TOGARAM1: variants seen among roughly 807,000 people sequenced by gnomAD.
TOGARAM1 encodes TOG array regulator of axonemal microtubules protein 1.
Under a neutral mutation model 166.6 loss-of-function variants are expected in TOGARAM1, and 100 were observed. The observed-to-expected ratio is 0.60, with a 90% CI of 0.51 to 0.71. The LOEUF is 0.71. Among genes scored for constraint, TOGARAM1 ranks in the 30% least tolerant of loss-of-function variants. The probability of loss-of-function intolerance (pLI) is 0.00; values close to 1 mark genes in which losing one functional copy is unlikely to be tolerated. For missense variants in TOGARAM1, 2,029 were observed against 2,102.7 expected, an observed-to-expected ratio of 0.96 and a Z score of 0.69; for synonymous variants, 758 against 763.8, an observed-to-expected ratio of 0.99 and a Z score of 0.13.
chr14:45,073,633 G>A lies in TOGARAM1; in HGVS notation c.*72G>A. On this transcript the variant is annotated 3_prime_UTR_variant, in exon 20 of 20. Transcript: ENST00000361462. The stretch of plus-strand genomic sequence containing the variant: ...ACAAATGGAACTTTCTAAAAGTTAT[G>A]TTATCAGTGCCTGCACTTCACATCC... 1 of 1,412,008 alleles carries A rather than the reference G, an allele frequency of 7.1e-7. No individual in the cohort carries two copies. Among genetic ancestry groups the A allele is most frequent in the Non-Finnish European group, 9.6e-7 (1 of 1,045,862 alleles). 87.5% of individuals were successfully genotyped at this position (1,412,008 alleles called of 1,614,324 possible).
In TOGARAM1 at chr14:44,970,503, T is replaced by C. The variant is rs557025437; in HGVS notation, c.2046+6036T>C. ...TGTCATCTGTGAACAAAGACAATTTTATTTCTTCCCAATCTGTATACTTTT... is the reference window on the plus strand; with the variant it reads ...TGTCATCTGTGAACAAAGACAATTTCATTTCTTCCCAATCTGTATACTTTT... On this transcript the variant is annotated intron_variant, in intron 1 of 19. Transcript: ENST00000361462. Among the ~76,000 whole-genome samples, 280 of 152,330 alleles carry C rather than the reference T, an allele frequency of 1.8e-3. 2 individuals are homozygous for C. The highest frequency in any genetic ancestry group is 6.3e-3 in the African/African-American group (263 of 41,576).
At chr14:45,019,969 A>G (rs1880400217) in intron 7 of TOGARAM1, among the ~76,000 whole-genome samples, 1 of 152,188 alleles carries the variant, frequency 6.6e-6, no homozygotes, top group Non-Finnish European at 1.5e-5. Flanking sequence ...AGCATGGGCT[A>G]GCAGGCTGGT....
At chr14:45,000,057 A>T (rs1003976710) in intron 3 of TOGARAM1, among the ~76,000 whole-genome samples, 2 of 151,966 alleles carry the variant, frequency 1.3e-5, no homozygotes, top group Admixed American at 1.3e-4. Flanking sequence ...TAATGGCAGG[A>T]TCTCGGCTCA....
intron 2 of TOGARAM1, 50 bp from the exon 3 acceptor site, chr14:44,999,313 A>G (rs1317566926): frequency 1.4e-6 from 2 of 1,473,818 alleles, no homozygotes; most frequent in East Asian, 2.4e-5. Context: ...GTATTCATGA[A>G]ATAAAGTTAA....
At chr14:45,045,917 G>C (rs1882046855) in intron 13 of TOGARAM1, among the ~76,000 whole-genome samples, 4 of 151,300 alleles carry the variant, frequency 2.6e-5, no homozygotes, top group Admixed American at 2.6e-4. Flanking sequence ...CAAGTAGTAG[G>C]ATTGCTAGAT....
rs148819135 is a variant in TOGARAM1 at position 44,963,100 on chromosome 14, G to A, written c.679G>A (p.Asp227Asn). 1,251 of 1,614,042 alleles carry A rather than the reference G, an allele frequency of 7.8e-4. 1 individual carries two copies. The highest frequency in any genetic ancestry group is 9.9e-4 in the Middle Eastern group (6 of 6,084). The change falls in exon 1 of 20, where the codon GAT becomes AAT. Residue 227 changes from aspartate to asparagine, a missense_variant. Transcript: ENST00000361462. ...TATACAACAAGGACTGGAAAGTACC[G>A]ATGCCCGACTTAGAGCTTCCACAGC... is the stretch of plus-strand genomic sequence containing the variant. ...TLIQQGLEST[D>N]ARLRASTALL... is the part of the protein sequence containing the mutation.
rs771915493 is a variant in TOGARAM1 at position 45,006,047 on chromosome 14, C to T, written c.2684C>T (p.Pro895Leu). The change falls in exon 5 of 20, where the codon CCT becomes CTT. Residue 895 changes from proline (P) to leucine (L), a missense_variant. Around this residue, in one of 2 missense-constraint regions of TOGARAM1, gnomAD observed 1,453 missense variants for 1,432.2 expected, o/e 1.01. Coordinates refer to ENST00000361462, the MANE Select transcript of TOGARAM1 (RefSeq NM_001308120.2). ...SQEKPPVQLT[P>L]ALVRSPSSRR... ...GAAAAACCTCCAGTTCAGCTTACAC[C>T]TGCCTTGGTGAGATCGCCATCTTCC... The T allele has an allele frequency of 3.7e-6, 6 of 1,602,948 alleles. No homozygotes were observed. Among genetic ancestry groups the T allele is most frequent in the South Asian group, 2.3e-5 (2 of 88,674 alleles).
chr14:45,017,577 T>C (rs1340234400), intron 7 of TOGARAM1, among the ~76,000 whole-genome samples: 2 of 152,182 alleles, frequency 1.3e-5, no homozygotes, highest in African/African-American at 2.4e-5. Flanking sequence ...CTGAGAAAGC[T>C]TTGCTGTTAT....
chr14:45,019,821 C>T (rs1376682675), intron 7 of TOGARAM1, among the ~76,000 whole-genome samples: 1 of 152,184 alleles, frequency 6.6e-6, no homozygotes, highest in African/African-American at 2.4e-5. Context: ...AGTCCGCCCT[C>T]TCAACAGGAA....
Position 45,026,657 on chromosome 14 carries a change from C to T in TOGARAM1, c.3329-642C>T, listed in dbSNP as rs374853217. Among the ~76,000 whole-genome samples the T allele has an allele frequency of 1.4e-4, 21 of 152,198 alleles. No individual in the cohort carries two copies. The East Asian group carries it at 3.1e-3, about 22-fold the overall frequency. On this transcript the variant is annotated intron_variant, in intron 8 of 19. Transcript: ENST00000361462. ...CCTTCTTTACTTTATACAGATCCTT[C>T]CTGTCTTCAAATCCCAGCTCAAATC...
intron 16 of TOGARAM1, among the ~76,000 whole-genome samples, chr14:45,059,913 A>AT (rs1210596745): frequency 0.036 from 5,054 of 138,524 alleles, 265 homozygotes; most frequent in African/African-American, 0.12. Context: ...TAGAAATGCA[A>AT]TTTTTTTTTT....
At chr14:45,071,283 C>G (rs1040353127) in intron 18 of TOGARAM1, among the ~76,000 whole-genome samples, 1 of 78,040 alleles carries the variant, frequency 1.3e-5, no homozygotes, top group African/African-American at 5.7e-5. Context: ...GAGATTCAGG[C>G]AGTTTTTTTT....
intron 1 of TOGARAM1, among the ~76,000 whole-genome samples, chr14:44,976,610 C>T (rs1282371928): frequency 6.6e-6 from 1 of 150,852 alleles, no homozygotes; most frequent in African/African-American, 2.4e-5. Flanking sequence ...AAGTGTAGAT[C>T]ATTTATTTAA....
At chr14:44,969,484 C>T (rs1300529130) in intron 1 of TOGARAM1, among the ~76,000 whole-genome samples, 1 of 152,096 alleles carries the variant, frequency 6.6e-6, no homozygotes, top group Non-Finnish European at 1.5e-5. Flanking sequence ...TATTTTCTCC[C>T]ACTTTGTGTC....
chr14:44,982,501 C>G (rs1462712444), intron 1 of TOGARAM1, among the ~76,000 whole-genome samples: 5 of 152,146 alleles, frequency 3.3e-5, no homozygotes, highest in East Asian at 3.9e-4. Flanking sequence ...GTAACCTAGA[C>G]TAAAAAGTAA....
chr14:45,000,946 C>A (rs964899312), intron 3 of TOGARAM1, among the ~76,000 whole-genome samples: 4 of 152,066 alleles, frequency 2.6e-5, no homozygotes, highest in Non-Finnish European at 4.4e-5. Flanking sequence ...GTTGCCCAGA[C>A]TAGTCTCGAT....
chr14:45,025,295 G>A (rs1236368048), intron 7 of TOGARAM1, among the ~76,000 whole-genome samples: 3 of 152,078 alleles, frequency 2.0e-5, no homozygotes, highest in Non-Finnish European at 4.4e-5. Context: ...GCCAGGCATG[G>A]TGGCTCATGC....
chr14:45,032,518 G>C, intron 11 of TOGARAM1, 142 bp downstream of exon 11: 1 of 824,758 alleles, frequency 1.2e-6, no homozygotes, highest in South Asian at 1.8e-5. Context: ...AGTCTTTTCA[G>C]CTCATTAATG....
intron 1 of TOGARAM1, among the ~76,000 whole-genome samples, chr14:44,986,136 T>G (rs1886781531): frequency 6.6e-6 from 1 of 152,212 alleles, no homozygotes; most frequent in African/African-American, 2.4e-5. Flanking sequence ...AAATTTAAGT[T>G]AATTAGGTTT....
Sources: gnomAD v4.1 joint callset for allele counts (sites outside exome capture counted in the v4.1 genomes callset) on GRCh38, gnomAD v4.1.1 for gene constraint, gnomAD v4.1.1 regional missense constraint, MANE v1.5 for transcripts, NCBI Gene and HGNC (gene_info 2026-07-23, HGNC 2026-07-21) for gene names.